VPS13C: variants seen among roughly 807,000 people sequenced by gnomAD.
The protein encoded by VPS13C is vacuolar protein sorting 13 homolog C, also known as intermembrane lipid transfer protein VPS13C.
Under a neutral mutation model 456.8 loss-of-function variants are expected in VPS13C, and 358 were observed. The ratio of observed to expected loss-of-function variants is 0.78; its 90% CI spans 0.72 to 0.86. The LOEUF (loss-of-function observed/expected upper bound fraction) is 0.86, where lower values mean the gene tolerates loss of function less well. VPS13C is among the 40% of genes least tolerant of loss of function. The pLI is 0.00. For missense variants in VPS13C, 4,818 were observed against 4,385.4 expected (o/e 1.10, Z -2.79); for synonymous variants, 1,578 against 1,486.7 (o/e 1.06, Z -1.41).
rs372165482 is a variant in VPS13C at position 62,060,408 on chromosome 15, G to C, written c.-34C>G. On this transcript the variant is annotated 5_prime_UTR_variant, in exon 1 of 85. Coordinates refer to ENST00000644861, the MANE Select transcript of VPS13C (RefSeq NM_020821.3). ...TGAGGCACAAGGAGAGGGAGGAGCCGGAACCGCCCGGCGCAGCTGAGGGCT... is the reference window on the plus strand; with the variant it reads ...TGAGGCACAAGGAGAGGGAGGAGCCCGAACCGCCCGGCGCAGCTGAGGGCT... 8.5e-6 allele frequency: 10 copies of C among 1,171,310 alleles called. No individual in the cohort carries two copies. The highest frequency in any genetic ancestry group is 1.2e-5 in the Non-Finnish European group (10 of 807,200). The allele number at this position is 1,171,310 out of a possible 1,614,324, so 72.6% of individuals were successfully genotyped here.
intron 81 of VPS13C, chr15:61,865,797 TG>T: frequency 1.3e-6 from 1 of 797,282 alleles, no homozygotes; most frequent in Non-Finnish European, 1.5e-6. Flanking sequence ...TATATATGTG[TG>T]TGTGTATATA....
rs754138230 is a variant in VPS13C, at chr15:61,921,939, T to C, written c.7062+8A>G. ...ATTCTATCCAAAGATATTTTAAGAT[T>C]TCCTTACATCAAGCCTTAAATTCCA... On this transcript the variant is annotated splice_region_variant and intron_variant, in intron 55 of 84. Coordinates refer to ENST00000644861, the MANE Select transcript of VPS13C (RefSeq NM_020821.3). 6.2e-7 allele frequency: 1 copy of C among 1,611,372 alleles called. No individual in the cohort carries two copies. The highest frequency in any genetic ancestry group is 8.5e-7 in the Non-Finnish European group (1 of 1,177,978).
At chr15:62,037,439 A>AATAAATT in intron 3 of VPS13C, among the ~76,000 whole-genome samples, 1 of 59,058 alleles carries the variant, frequency 1.7e-5, no homozygotes, top group Non-Finnish European at 4.0e-5. Flanking sequence ...AATATAATAT[A>AATAAATT]TATTAAATAA....
chr15:61,997,268 AC>A (rs974370678), intron 16 of VPS13C, among the ~76,000 whole-genome samples: 1 of 151,666 alleles, frequency 6.6e-6, no homozygotes, highest in African/African-American at 2.4e-5. Flanking sequence ...CCCTATTACA[AC>A]TCTGGCAATC....
chr15:61,873,896 A>G (rs1895215938), intron 77 of VPS13C, among the ~76,000 whole-genome samples: 1 of 152,000 alleles, frequency 6.6e-6, no homozygotes, highest in South Asian at 2.1e-4. Context: ...ACTAGTGACA[A>G]TAGCTAACAT....
intron 24 of VPS13C, among the ~76,000 whole-genome samples, chr15:61,976,206 A>T (rs1480972993): frequency 6.6e-6 from 1 of 152,032 alleles, no homozygotes; most frequent in African/African-American, 2.4e-5. Flanking sequence ...AAGTGAGGTT[A>T]ATCGGTAATG....
At position 61,873,270 on chromosome 15, in the gene VPS13C, G is replaced by A. The variant is rs376117096; in HGVS notation, c.10554C>T (p.Ala3518=). The part of the protein sequence containing the change: ...RQPRDFGDSL[A]RGGKGFLRGV... Reference sequence around the variant, plus strand: ...CTCGCAGAAAGCCCTTTCCTCCTCTGGCCAGGCTGTCTCCAAAATCTCTGG... The same window carrying A: ...CTCGCAGAAAGCCCTTTCCTCCTCTAGCCAGGCTGTCTCCAAAATCTCTGG... The change falls in exon 78 of 85, where the codon GCC becomes GCT. Residue 3518 remains alanine (A), a synonymous_variant. Coordinates refer to ENST00000644861, the MANE Select transcript of VPS13C (RefSeq NM_020821.3). 1.1e-4 allele frequency: 174 copies of A among 1,613,422 alleles called. 2 individuals carry two copies. In the South Asian group the frequency reaches 1.7e-3, roughly 16 times the overall value.
Position 61,875,825 on chromosome 15 carries a change from G to A in VPS13C, c.10245C>T (p.Val3415=), listed in dbSNP as rs1238156616. 6 of 1,587,816 alleles carry A rather than the reference G, an allele frequency of 3.8e-6. No homozygotes were observed. In the African/African-American group the frequency reaches 4.1e-5, roughly 11 times the overall value. ...CAAGTACATCTAACCCCAATACAAG[G>A]ACATACATCTGTTTCAAGAACTAAA... is the stretch of plus-strand genomic sequence containing the variant. ...YSEQFLKQMY[V]LVLGLDVLGN... Residue 3415 remains valine, a synonymous_variant, in exon 76 of 85, where the codon GTC becomes GTT. Transcript: ENST00000644861.
At position 62,023,528 on chromosome 15, in the gene VPS13C, A is replaced by G. The variant is rs768111644; in HGVS notation, c.515-8T>C. 6.5e-7 allele frequency: 1 copy of G among 1,538,158 alleles called. No individual in the cohort carries two copies. The highest frequency in any genetic ancestry group is 2.2e-5 in the Admixed American group (1 of 45,838). The stretch of plus-strand genomic sequence containing the variant: ...TGGCTTCTTTTGGCTTATCTATTAA[A>G]AAATAGAAAAATACAAGCTCAAGAG... On this transcript the variant is annotated splice_polypyrimidine_tract_variant and splice_region_variant and intron_variant, in intron 7 of 84. Transcript: ENST00000644861.
rs2043510115 is a variant in VPS13C at position 61,917,503 on chromosome 15, T to C, written c.7893A>G (p.Glu2631=). The C allele has an allele frequency of 1.2e-6, 2 of 1,614,062 alleles. No homozygotes were observed. The highest frequency in any genetic ancestry group is 1.7e-5 in the Admixed American group (1 of 60,014). The change falls in exon 60 of 85, where the codon GAA becomes GAG. Residue 2631 remains glutamate, a synonymous_variant. Coordinates refer to ENST00000644861, the MANE Select transcript of VPS13C (RefSeq NM_020821.3). ...TCACTATGAGAGGTAAGAAGCTGAC[T>C]TCTACTGATGGACACTGCAACATGC... ...VRCMLQCPSV[E]VSFLPLIVNT...
At chr15:61,921,014 C>T (rs2043637056) in intron 55 of VPS13C, among the ~76,000 whole-genome samples, 1 of 152,022 alleles carries the variant, frequency 6.6e-6, no homozygotes, top group Non-Finnish European at 1.5e-5. Context: ...ATTAGAGGTG[C>T]CACCTGGAAA....
chr15:61,920,178 C>T lies in VPS13C; in HGVS notation c.7366G>A (p.Val2456Ile), dbSNP rs1374010170. ...GFPEKSDIFD[V>I]DAGQNLELEY... ...AGTTCCAAATTCTGGCCAGCATCAA[C>T]ATCAAAAATATCACTTTTCTCAGGG... The change falls in exon 57 of 85, where the codon GTT (valine) becomes ATT (isoleucine). Residue 2456 changes from valine (V) to isoleucine (I), a missense_variant. This residue lies in a region of VPS13C where 4,552 missense variants were observed against 4,130.6 expected (regional missense o/e 1.10). Coordinates refer to ENST00000644861, the MANE Select transcript of VPS13C (RefSeq NM_020821.3). 1 of 1,613,618 alleles carries T rather than the reference C, an allele frequency of 6.2e-7. No individual in the cohort carries two copies. Among genetic ancestry groups the T allele is most frequent in the South Asian group, 1.1e-5 (1 of 91,050 alleles).
chr15:62,027,855 G>T (rs1390880235), intron 6 of VPS13C, among the ~76,000 whole-genome samples: 4 of 152,056 alleles, frequency 2.6e-5, no homozygotes, highest in African/African-American at 9.6e-5. Flanking sequence ...TGCTGTACAG[G>T]ACAGTAGTCT....
intron 52 of VPS13C, 138 bp downstream of exon 52, chr15:61,926,953 A>C (rs189715257): frequency 2.1e-5 from 16 of 759,188 alleles, no homozygotes; most frequent in Non-Finnish European, 3.3e-5. Context: ...TTGGAATTCA[A>C]TATCTTTATA....
intron 27 of VPS13C, 125 bp downstream of exon 27, chr15:61,972,500 G>T: frequency 1.1e-6 from 1 of 936,350 alleles, no homozygotes; most frequent in Non-Finnish European, 1.6e-6. Context: ...GTGCATGTGT[G>T]TTGGGCAGCA....
intron 9 of VPS13C, among the ~76,000 whole-genome samples, chr15:62,018,365 A>C (rs919841249): frequency 1.3e-5 from 2 of 151,842 alleles, no homozygotes; most frequent in African/African-American, 4.8e-5. Flanking sequence ...GTCTTGTGCC[A>C]GTTTTCAAAG....
chr15:61,902,643 G>A (rs7402374), intron 66 of VPS13C, among the ~76,000 whole-genome samples: 80,329 of 151,890 alleles, frequency 0.53, 21,645 homozygotes, highest in Admixed American at 0.62. Flanking sequence ...ACAAAATTTG[G>A]TATTGCTTTA....
Position 62,058,643 on chromosome 15 carries a change from AC to A in VPS13C, c.100+1631del, listed in dbSNP as rs199983859. Among the ~76,000 whole-genome samples, 1,217 of 152,230 alleles carry A rather than the reference AC, an allele frequency of 8.0e-3. 12 individuals carry two copies. Among genetic ancestry groups the A allele is most frequent in the African/African-American group, 0.028 (1,167 of 41,524 alleles). ...CCATTTTATTTAAGGGACTTGAGCA[AC>A]CTCCAATTTTGGTATGGTCAGGGGT... On this transcript the variant is annotated intron_variant, in intron 1 of 84. Coordinates refer to ENST00000644861, the MANE Select transcript of VPS13C (RefSeq NM_020821.3).
intron 22 of VPS13C, among the ~76,000 whole-genome samples, chr15:61,980,889 G>A (rs997058235): frequency 6.6e-6 from 1 of 151,852 alleles, no homozygotes; most frequent in African/African-American, 2.4e-5. Flanking sequence ...ATTTGAAATT[G>A]TCACCTTTTA....
Sources: gnomAD v4.1 joint callset for allele counts (sites outside exome capture counted in the v4.1 genomes callset) on GRCh38, gnomAD v4.1.1 for gene constraint, gnomAD v4.1.1 regional missense constraint, MANE v1.5 for transcripts, NCBI Gene and HGNC (gene_info 2026-07-23, HGNC 2026-07-21) for gene names.